Variants in FNBP1 observed in about 807,000 individuals in gnomAD.
FNBP1 encodes the protein formin binding protein 1.
Under a neutral mutation model 90.6 loss-of-function variants are expected in FNBP1, and 26 were observed. The ratio of observed to expected loss-of-function variants is 0.29; its 90% confidence interval spans 0.21 to 0.40. The LOEUF (loss-of-function observed/expected upper bound fraction) is 0.40, where lower values mean the gene tolerates loss of function less well. Ranked by LOEUF, FNBP1 falls within the 10% of genes least tolerant of loss-of-function variation. FNBP1 has a pLI of 1.00. For missense variants in FNBP1, 635 were observed against 768.0 expected (o/e 0.83, Z 2.05); for synonymous variants, 260 against 265.2 (o/e 0.98, Z 0.19).
At chr9:129,974,993 C>T (rs146613589) in intron 4 of FNBP1, among the ~76,000 whole-genome samples, 1,606 of 152,186 alleles carry the variant, frequency 0.011, 15 homozygotes, top group South Asian at 0.016. Context: ...TCAAGGCAGG[C>T]GGATCACCTG....
chr9:130,003,461 G>C (rs945263825), intron 1 of FNBP1, among the ~76,000 whole-genome samples: 2 of 152,026 alleles, frequency 1.3e-5, no homozygotes, highest in Admixed American at 1.3e-4. Context: ...AAAAAAATGA[G>C]CCAGGAGTGG....
upstream of FNBP1, among the ~76,000 whole-genome samples, chr9:130,044,002 G>C (rs1320250831): frequency 1.3e-5 from 2 of 152,242 alleles, no homozygotes; most frequent in African/African-American, 4.8e-5. Context: ...CTCACTGCCC[G>C]GCGGTGAGGA....
intron 4 of FNBP1, among the ~76,000 whole-genome samples, chr9:129,965,800 G>A (rs1411520325): frequency 1.1e-5 from 1 of 95,214 alleles, no homozygotes; most frequent in African/African-American, 3.9e-5. Flanking sequence ...GAGGGAGGGG[G>A]GAAGGAGGGA....
At chr9:130,037,944 G>C (rs2059471315) in intron 1 of FNBP1, among the ~76,000 whole-genome samples, 2 of 152,162 alleles carry the variant, frequency 1.3e-5, no homozygotes, top group Non-Finnish European at 2.9e-5. Context: ...ACAGTTGGTA[G>C]ACAATCCTCA....
intron 2 of FNBP1, among the ~76,000 whole-genome samples, chr9:129,988,671 C>T (rs1367239514): frequency 6.6e-6 from 1 of 151,900 alleles, no homozygotes; most frequent in Non-Finnish European, 1.5e-5. Context: ...AGCGAGACTC[C>T]ATCTCGAAGA....
At chr9:129,997,654 T>C (rs374785715) in intron 1 of FNBP1, among the ~76,000 whole-genome samples, 2 of 152,306 alleles carry the variant, frequency 1.3e-5, no homozygotes, top group East Asian at 1.9e-4. Flanking sequence ...CCTTTGTGGA[T>C]CTAGTTTCAC....
At chr9:130,005,059 T>G in intron 1 of FNBP1, among the ~76,000 whole-genome samples, 1 of 30,434 alleles carries the variant, frequency 3.3e-5, no homozygotes, top group Non-Finnish European at 6.0e-5. Context: ...AGCAAGACTG[T>G]CTCAAAAAAA....
intron 1 of FNBP1, among the ~76,000 whole-genome samples, chr9:129,996,708 GGTTT>G (rs975328040): frequency 9.2e-5 from 14 of 152,164 alleles, no homozygotes; most frequent in Non-Finnish European, 1.2e-4. Context: ...TTTGTTGGTT[GGTTT>G]GTTTTGAGAC....
At position 130,043,145 on chromosome 9, in the gene FNBP1, T is replaced by TC. The variant is rs1354812263; in HGVS notation, c.-171dup. On this transcript the variant is annotated 5_prime_UTR_variant, in exon 1 of 17. Transcript: ENST00000446176. Reference sequence around the variant, plus strand: ...CCGGGGTCTCCTCGGCGGCTCCTCCTCCCCGCCGCTCCACAGCAAAATGGC... The same window carrying TC: ...CCGGGGTCTCCTCGGCGGCTCCTCCTCCCCCGCCGCTCCACAGCAAAATGGC... 1 of 428,268 alleles carries TC rather than the reference T, an allele frequency of 2.3e-6. No individual in the cohort carries two copies. The highest frequency in any genetic ancestry group is 3.8e-6 in the Non-Finnish European group (1 of 264,094). 26.5% of individuals were successfully genotyped at this position (428,268 alleles called of 1,614,324 possible). A position where few individuals can be genotyped will look rare whatever the true frequency, so the allele number is the denominator to read the frequency against.
chr9:129,989,550 C>T lies in FNBP1; in HGVS notation c.140+5293G>A, dbSNP rs570694639. Among the ~76,000 whole-genome samples, 8 of 152,082 alleles carry T rather than the reference C, an allele frequency of 5.3e-5. No individual in the cohort carries two copies. The East Asian group carries it at 1.2e-3, about 22-fold the overall frequency. On this transcript the variant is annotated intron_variant, in intron 2 of 16. Transcript: ENST00000446176. ...ACTATGACACATTAGTGAGCACAAC[C>T]CAAAGATCTCCACCCTTAAGGGGCT...
At chr9:129,907,601 G>A (rs1375698390) in intron 12 of FNBP1, among the ~76,000 whole-genome samples, 2 of 151,326 alleles carry the variant, frequency 1.3e-5, no homozygotes, top group African/African-American at 4.9e-5. Context: ...GTGTGTGTGT[G>A]TGTGTGTGTG....
intron 6 of FNBP1, among the ~76,000 whole-genome samples, chr9:129,941,423 T>A (rs1028026788): frequency 1.3e-5 from 2 of 152,100 alleles, no homozygotes; most frequent in African/African-American, 4.8e-5. Context: ...TTAAATAGAA[T>A]GTCAAATTCC....
chr9:129,947,461 A>G (rs1406395389), intron 6 of FNBP1, among the ~76,000 whole-genome samples: 1 of 151,658 alleles, frequency 6.6e-6, no homozygotes, highest in Non-Finnish European at 1.5e-5. Context: ...AAGAAAAGAA[A>G]AAAAGAAAAA....
chr9:130,053,737 G>A, the FNBP1 span: 9 of 598,184 alleles, frequency 1.5e-5, no homozygotes, highest in South Asian at 1.8e-4. Flanking sequence ...GTCTGCACAG[G>A]AGCGGCCGAT....
chr9:130,006,119 AT>A (rs2055659113), intron 1 of FNBP1, among the ~76,000 whole-genome samples: 1 of 152,180 alleles, frequency 6.6e-6, no homozygotes, highest in South Asian at 2.1e-4. Flanking sequence ...TTCAAATCTC[AT>A]TAAAATGCAA....
At chr9:130,003,194 C>G (rs1012422241) in intron 1 of FNBP1, among the ~76,000 whole-genome samples, 1 of 152,064 alleles carries the variant, frequency 6.6e-6, no homozygotes, top group Non-Finnish European at 1.5e-5. Flanking sequence ...ACACGTGGCT[C>G]ACACCTGTAA....
chr9:130,038,610 T>G (rs1408422631), intron 1 of FNBP1, among the ~76,000 whole-genome samples: 1 of 152,056 alleles, frequency 6.6e-6, no homozygotes, highest in African/African-American at 2.4e-5. Context: ...TTGGTCCGGC[T>G]GGTCTCAAAC....
Position 129,890,834 on chromosome 9 carries a change from C to A in FNBP1, c.1847-288G>T, listed in dbSNP as rs899243135. The stretch of plus-strand genomic sequence containing the variant: ...GCCATCCGCCCCAACTCGTCTTTCT[C>A]ATAAGTTTAGTTTTGAGAGAAAGTA... On this transcript the variant is annotated intron_variant, in intron 16 of 16. Transcript: ENST00000446176. This position sits in a 1 kb window ranked among gnomAD's most constrained non-coding sequence, Gnocchi z 5.8. 1.3e-5 allele frequency among the ~76,000 whole-genome samples: 2 copies of A among 152,166 alleles called. No homozygotes were observed. Among genetic ancestry groups the A allele is most frequent in the Non-Finnish European group, 2.9e-5 (2 of 68,022 alleles).
intron 2 of FNBP1, among the ~76,000 whole-genome samples, chr9:129,993,646 AAGG>A (rs2053556594): frequency 7.0e-6 from 1 of 142,232 alleles, no homozygotes; most frequent in Non-Finnish European, 1.5e-5. Context: ...TTTTTTTGAG[AAGG>A]AGTCTTACTC....
Sources: allele counts gnomAD v4.1 joint callset (sites outside exome capture counted in the v4.1 genomes callset), GRCh38; gene constraint gnomAD v4.1.1; non-coding constraint Gnocchi (gnomAD v3.1); transcripts MANE v1.5; gene names NCBI Gene and HGNC (gene_info 2026-07-23, HGNC 2026-07-21).